OLFM3: variants seen among roughly 807,000 people sequenced by gnomAD.
OLFM3 encodes olfactomedin 3, also known as noelin-3.
A neutral mutation model predicts 48.6 loss-of-function variants in OLFM3; 20 were observed. The observed-to-expected ratio is 0.41, with a 90% CI of 0.29 to 0.60. The LOEUF (loss-of-function observed/expected upper bound fraction) is 0.60, where lower values mean the gene tolerates loss of function less well. Among genes scored for constraint, OLFM3 ranks in the 20% least tolerant of loss-of-function variants. The probability of loss-of-function intolerance (pLI) is 0.28; values close to 1 mark genes in which losing one functional copy is unlikely to be tolerated. For missense variants in OLFM3, 437 were observed against 544.3 expected (o/e 0.80, Z 1.96); for synonymous variants, 222 against 198.1 (o/e 1.12, Z -1.01).
intron 1 of OLFM3, among the ~76,000 whole-genome samples, chr1:101,904,106 A>AT (rs1329551931): frequency 1.4e-4 from 21 of 152,064 alleles, no homozygotes; most frequent in Non-Finnish European, 2.8e-4. Flanking sequence ...ATTGTAGGGA[A>AT]TTTTTTGTTG....
At chr1:101,825,320 C>G (rs1032202732) in intron 3 of OLFM3, 75 bp from the exon 4 acceptor site, 1 of 1,119,590 alleles carries the variant, frequency 8.9e-7, no homozygotes, top group Non-Finnish European at 1.3e-6. Context: ...TATTATGATA[C>G]TTAAAGGAAA....
intron 1 of OLFM3, among the ~76,000 whole-genome samples, chr1:101,874,607 T>G (rs1657223262): frequency 6.6e-6 from 1 of 152,076 alleles, no homozygotes; most frequent in South Asian, 2.1e-4. Flanking sequence ...TTACAGATAC[T>G]GAGGCAAGTG....
chr1:101,948,908 A>G (rs1285321388), intron 1 of OLFM3, among the ~76,000 whole-genome samples: 1 of 148,648 alleles, frequency 6.7e-6, no homozygotes, highest in Non-Finnish European at 1.5e-5. Context: ...TTATGCTTAT[A>G]TATAATAAAA....
chr1:101,883,208 A>T (rs933381296), intron 1 of OLFM3, among the ~76,000 whole-genome samples: 1 of 151,592 alleles, frequency 6.6e-6, no homozygotes, highest in African/African-American at 2.4e-5. Flanking sequence ...TAAAAAAATC[A>T]ATGTTTTTAG....
At chr1:101,866,023 C>A (rs911508731) in intron 1 of OLFM3, among the ~76,000 whole-genome samples, 1 of 152,076 alleles carries the variant, frequency 6.6e-6, no homozygotes, top group Non-Finnish European at 1.5e-5. Context: ...GAAGAGAAAA[C>A]AGCAATCATA....
Position 101,804,182 on chromosome 1 carries a change from T to C in OLFM3, c.*56A>G. On this transcript the variant is annotated 3_prime_UTR_variant, in exon 6 of 6. Coordinates refer to ENST00000370103, the MANE Select transcript of OLFM3 (RefSeq NM_058170.4). The surrounding 1 kb of genome is among the most constrained non-coding windows in gnomAD (Gnocchi z 4.5). ...GTGAAGAAAAAAACGGAAGGGGTCT[T>C]ATAGAGTTTATCACAAATCACACTG... The C allele has an allele frequency of 1.5e-6, 2 of 1,339,556 alleles. No individual in the cohort carries two copies. The highest frequency in any genetic ancestry group is 2.0e-6 in the Non-Finnish European group (2 of 984,904). 83.0% of individuals were successfully genotyped at this position (1,339,556 alleles called of 1,614,324 possible). A position where few individuals can be genotyped will look rare whatever the true frequency, so the allele number is the denominator to read the frequency against.
Position 101,941,441 on chromosome 1 carries a change from T to C in OLFM3, c.69+55307A>G, listed in dbSNP as rs533521277. ...CCAGCAGAGAGGTCATTTTTAAAGG[T>C]AGAACTGAGAGATTATAGTTATATT... On this transcript the variant is annotated intron_variant, in intron 1 of 5. Transcript: ENST00000370103. Among the ~76,000 whole-genome samples the C allele has an allele frequency of 6.6e-5, 10 of 152,222 alleles. 1 individual carries two copies. The highest frequency in any genetic ancestry group is 2.4e-4 in the African/African-American group (10 of 41,542).
rs36019509 is a variant in OLFM3 at position 101,969,314 on chromosome 1, A to ATTTT, written c.69+27430_69+27433dup. On this transcript the variant is annotated intron_variant, in intron 1 of 5. Transcript: ENST00000370103. ...CAGGCATGCAACACCACGCCTGGCT[A>ATTTT]TTTTTTTTTTTTTTTGGTATTTTTG... 5.0e-5 allele frequency among the ~76,000 whole-genome samples: 7 copies of ATTTT among 141,394 alleles called. No homozygotes were observed. The South Asian group carries it at 6.8e-4, about 14-fold the overall frequency. The allele number at this position is 141,394 out of a possible 152,430, so 92.8% of individuals were successfully genotyped here. A position where few individuals can be genotyped will look rare whatever the true frequency, so the allele number is the denominator to read the frequency against.
At chr1:101,895,424 C>T (rs954860535) in intron 1 of OLFM3, among the ~76,000 whole-genome samples, 1 of 151,390 alleles carries the variant, frequency 6.6e-6, no homozygotes, top group African/African-American at 2.4e-5. Context: ...CACACACACA[C>T]ACACACACAC....
At chr1:101,986,714 T>C (rs985729650) in intron 1 of OLFM3, among the ~76,000 whole-genome samples, 2 of 152,222 alleles carry the variant, frequency 1.3e-5, no homozygotes, top group Admixed American at 6.5e-5. Context: ...AGGAGCTTAA[T>C]GATGTTTTCT....
intron 1 of OLFM3, among the ~76,000 whole-genome samples, chr1:101,884,881 T>C (rs1325665830): frequency 6.6e-6 from 1 of 151,954 alleles, no homozygotes; most frequent in East Asian, 1.9e-4. Context: ...AGTGTTCTAC[T>C]TGCCCTGAAA....
intron 1 of OLFM3, among the ~76,000 whole-genome samples, chr1:101,967,590 G>GAAAAAAAAAAAAAAAAAAAAAAAAAAAAA (rs71592233): frequency 4.5e-5 from 2 of 44,570 alleles, no homozygotes; most frequent in African/African-American, 1.1e-4. Context: ...CCTAGTCAGT[G>GAAAAAAAAAAAAAAAAAAAAAAAAAAAAA]AAAAAAAAAA....
chr1:101,899,045 A>G (rs1420164217), intron 1 of OLFM3, among the ~76,000 whole-genome samples: 1 of 152,180 alleles, frequency 6.6e-6, no homozygotes, highest in African/African-American at 2.4e-5. Flanking sequence ...TTTAAACAAC[A>G]AACATTGATT....
chr1:101,971,978 A>G (rs908452472), intron 1 of OLFM3, among the ~76,000 whole-genome samples: 1 of 151,740 alleles, frequency 6.6e-6, no homozygotes, highest in Non-Finnish European at 1.5e-5. Context: ...TATAATATAT[A>G]AGTATAAACT....
chr1:101,947,899 C>T (rs950835437), intron 1 of OLFM3, among the ~76,000 whole-genome samples: 4 of 152,090 alleles, frequency 2.6e-5, no homozygotes, highest in Non-Finnish European at 5.9e-5. Context: ...TAGAATGATT[C>T]CTGGCACAAG....
intron 1 of OLFM3, among the ~76,000 whole-genome samples, chr1:101,932,601 C>A (rs111574290): frequency 2.0e-5 from 3 of 152,056 alleles, no homozygotes; most frequent in African/African-American, 7.2e-5. Context: ...AAATCCCTAA[C>A]GGCATGACAG....
intron 1 of OLFM3, among the ~76,000 whole-genome samples, chr1:101,944,015 T>C (rs1295103506): frequency 2.7e-5 from 4 of 148,502 alleles, no homozygotes; most frequent in Non-Finnish European, 5.9e-5. Context: ...ATTCCCACTA[T>C]ATATATATCC....
chr1:101,900,569 A>G (rs1658356936), intron 1 of OLFM3, among the ~76,000 whole-genome samples: 1 of 152,152 alleles, frequency 6.6e-6, no homozygotes, highest in African/African-American at 2.4e-5. Context: ...GTGTAAAGGC[A>G]AGAAAGTGTT....
At chr1:101,982,751 C>G (rs999667735) in intron 1 of OLFM3, among the ~76,000 whole-genome samples, 1 of 152,178 alleles carries the variant, frequency 6.6e-6, no homozygotes. Context: ...GGAACATTGG[C>G]TCTTCCTGGT....
Sources: gnomAD v4.1 joint callset for allele counts (sites outside exome capture counted in the v4.1 genomes callset) on GRCh38, gnomAD v4.1.1 for gene constraint, Gnocchi (gnomAD v3.1) non-coding constraint, MANE v1.5 for transcripts, NCBI Gene and HGNC (gene_info 2026-07-23, HGNC 2026-07-21) for gene names.